ACOXL: variants seen among roughly 807,000 people sequenced by gnomAD.
The protein encoded by ACOXL is acyl-CoA oxidase like.
ACOXL carries 70 observed loss-of-function variants against 71.9 expected under a neutral mutation model. That is an observed-to-expected ratio of 0.97 (90% CI 0.80 to 1.19). ACOXL has a LOEUF of 1.19. Ranked by LOEUF, ACOXL falls within the 50% of genes most tolerant of loss-of-function variation. The pLI, the probability that ACOXL is intolerant of heterozygous loss-of-function variation, is 0.00. For synonymous variants in ACOXL, 253 were observed against 281.6 expected, an observed-to-expected ratio of 0.90 and a Z score of 1.02; for missense variants, 703 against 736.3, an observed-to-expected ratio of 0.95 and a Z score of 0.52.
chr2:110,892,384 G>A (rs1698023552), intron 10 of ACOXL, among the ~76,000 whole-genome samples: 1 of 152,084 alleles, frequency 6.6e-6, no homozygotes, highest in Non-Finnish European at 1.5e-5. Flanking sequence ...ACCAGTCAGG[G>A]GTCTGTTGGC....
Position 110,933,664 on chromosome 2 carries a change from C to T in ACOXL, c.1059+22C>T, listed in dbSNP as rs774341423. 8 of 1,595,788 alleles carry T rather than the reference C, an allele frequency of 5.0e-6. No homozygotes were observed. In the Admixed American group the frequency reaches 6.8e-5, roughly 14 times the overall value. ...CATGGTGAGCCCCAAGGCCTGCAGCCCCCGTGGGTCCCCACGATACAACCC... is the reference window on the plus strand; with the variant it reads ...CATGGTGAGCCCCAAGGCCTGCAGCTCCCGTGGGTCCCCACGATACAACCC... On this transcript the variant is annotated intron_variant, in intron 12 of 17. Transcript: ENST00000439055.
chr2:111,052,604 T>C (rs368870688), intron 16 of ACOXL, among the ~76,000 whole-genome samples: 3 of 152,326 alleles, frequency 2.0e-5, no homozygotes, highest in East Asian at 1.9e-4. Flanking sequence ...ATTTGAACCA[T>C]AGAACAATAT....
intron 12 of ACOXL, among the ~76,000 whole-genome samples, chr2:110,965,748 C>T (rs2061896795): frequency 6.6e-6 from 1 of 152,160 alleles, no homozygotes; most frequent in Non-Finnish European, 1.5e-5. Flanking sequence ...AACAGACAAG[C>T]ATGGGAAGAG....
intron 2 of ACOXL, among the ~76,000 whole-genome samples, chr2:110,769,125 T>G (rs2104996259): frequency 6.6e-6 from 1 of 152,234 alleles, no homozygotes; most frequent in South Asian, 2.1e-4. Flanking sequence ...TTTTAAGGGC[T>G]TTTAAAGTAC....
At chr2:111,031,573 T>C in intron 14 of ACOXL, 54 bp from the exon 15 acceptor site, 1 of 1,521,412 alleles carries the variant, frequency 6.6e-7, no homozygotes, top group Non-Finnish European at 9.1e-7. Context: ...TGCTATTAAG[T>C]TAGACTCTCT....
intron 16 of ACOXL, among the ~76,000 whole-genome samples, chr2:111,077,150 AC>A (rs2067645141): frequency 6.6e-6 from 1 of 152,202 alleles, no homozygotes; most frequent in Non-Finnish European, 1.5e-5. Context: ...TGCAACACTT[AC>A]CTTCTTTTGA....
At chr2:110,855,858 T>C (rs991836282) in intron 10 of ACOXL, among the ~76,000 whole-genome samples, 4 of 152,192 alleles carry the variant, frequency 2.6e-5, no homozygotes, top group South Asian at 2.1e-4. Flanking sequence ...CAAGGTTTAT[T>C]GTGAAGAGCA....
At chr2:110,790,998 T>G (rs928316921) in intron 3 of ACOXL, among the ~76,000 whole-genome samples, 2 of 152,238 alleles carry the variant, frequency 1.3e-5, no homozygotes, top group African/African-American at 4.8e-5. Context: ...CCCACTTCCC[T>G]GTCTGCCTCC....
chr2:110,835,454 C>T (rs754236851), intron 9 of ACOXL, among the ~76,000 whole-genome samples: 1 of 152,108 alleles, frequency 6.6e-6, no homozygotes, highest in Non-Finnish European at 1.5e-5. Flanking sequence ...AAGGCTTGCC[C>T]TTGGCCTTGA....
intron 3 of ACOXL, among the ~76,000 whole-genome samples, chr2:110,787,450 C>T (rs997540158): frequency 2.1e-5 from 3 of 145,948 alleles, no homozygotes; most frequent in Admixed American, 7.1e-5. Context: ...AGGAGAATGG[C>T]GTGGACCCGG....
chr2:111,079,266 C>A (rs1438663923), intron 16 of ACOXL, among the ~76,000 whole-genome samples: 1 of 152,162 alleles, frequency 6.6e-6, no homozygotes. Context: ...AGCCTCTCGA[C>A]CTTCTGAGTC....
chr2:110,749,075 C>G (rs1678592415), intron 1 of ACOXL, among the ~76,000 whole-genome samples: 1 of 152,152 alleles, frequency 6.6e-6, no homozygotes, highest in African/African-American at 2.4e-5. Context: ...TGGAATCATT[C>G]TGTGGTCGAA....
At chr2:110,970,962 G>A (rs1437014480) in intron 12 of ACOXL, among the ~76,000 whole-genome samples, 1 of 152,146 alleles carries the variant, frequency 6.6e-6, no homozygotes, top group African/African-American at 2.4e-5. Context: ...GGAAAAATTG[G>A]TAAGCTGCAT....
At chr2:111,020,569 G>A (rs10188218) in intron 14 of ACOXL, among the ~76,000 whole-genome samples, 60 of 152,260 alleles carry the variant, frequency 3.9e-4, no homozygotes, top group Admixed American at 2.2e-3. Context: ...GCGGGAAGCC[G>A]TGTGTGTGTG....
At chr2:111,097,665 C>T (rs1303446579) in intron 17 of ACOXL, among the ~76,000 whole-genome samples, 1 of 152,176 alleles carries the variant, frequency 6.6e-6, no homozygotes, top group African/African-American at 2.4e-5. Context: ...CAGTATGTTC[C>T]AGGGACACAG....
intron 15 of ACOXL, among the ~76,000 whole-genome samples, chr2:111,034,802 G>A (rs1334491405): frequency 6.6e-6 from 1 of 152,188 alleles, no homozygotes; most frequent in African/African-American, 2.4e-5. Flanking sequence ...CCAGGGGATG[G>A]GAGAAGAAGT....
chr2:110,756,548 T>C (rs1679728763), intron 1 of ACOXL, among the ~76,000 whole-genome samples: 1 of 152,216 alleles, frequency 6.6e-6, no homozygotes, highest in Admixed American at 6.5e-5. Flanking sequence ...ATGAAATAAT[T>C]CTTCAGGTTT....
intron 2 of ACOXL, among the ~76,000 whole-genome samples, chr2:110,781,468 C>T (rs1683325299): frequency 6.6e-6 from 1 of 151,830 alleles, no homozygotes; most frequent in African/African-American, 2.4e-5. Context: ...GGTGAAACCC[C>T]ATCTCTACTA....
intron 17 of ACOXL, among the ~76,000 whole-genome samples, chr2:111,107,268 T>C (rs939635971): frequency 2.0e-5 from 3 of 152,200 alleles, no homozygotes; most frequent in Non-Finnish European, 4.4e-5. Context: ...AAAAAGAAAA[T>C]GCAAGGAATT....
Sources: allele counts gnomAD v4.1 joint callset (sites outside exome capture counted in the v4.1 genomes callset), GRCh38; gene constraint gnomAD v4.1.1; transcripts MANE v1.5; gene names NCBI Gene and HGNC (gene_info 2026-07-23, HGNC 2026-07-21).